Variants in FAR2 observed in about 807,000 individuals in gnomAD.
The protein encoded by FAR2 is fatty acyl-CoA reductase 2.
FAR2 carries 19 observed loss-of-function variants against 56.0 expected under a neutral mutation model. The observed-to-expected ratio is 0.34, with a 90% CI of 0.24 to 0.50. The LOEUF is 0.50. FAR2 is among the 20% of genes least tolerant of loss of function. The probability of loss-of-function intolerance (pLI) is 0.98; values close to 1 mark genes in which losing one functional copy is unlikely to be tolerated. For synonymous variants in FAR2, 219 were observed against 218.8 expected (o/e 1.00, Z -0.01); for missense variants, 508 against 642.2 (o/e 0.79, Z 2.26).
At chr12:29,284,750 C>T (rs1163448812) in intron 2 of FAR2, among the ~76,000 whole-genome samples, 2 of 152,082 alleles carry the variant, frequency 1.3e-5, no homozygotes, top group Non-Finnish European at 2.9e-5. Flanking sequence ...AAAACAAAAA[C>T]AAAACAAAAA....
intron 2 of FAR2, among the ~76,000 whole-genome samples, chr12:29,290,220 T>G (rs557503136): frequency 3.8e-4 from 57 of 151,980 alleles, no homozygotes; most frequent in Non-Finnish European, 6.0e-4. Context: ...CTGAGACGGG[T>G]GGATCACTGG....
intron 10 of FAR2, among the ~76,000 whole-genome samples, chr12:29,323,817 G>A (rs964502026): frequency 2.6e-5 from 4 of 152,136 alleles, no homozygotes; most frequent in East Asian, 1.9e-4. Flanking sequence ...TAGAAAAACC[G>A]GAAACGCTAA....
intron 1 of FAR2, among the ~76,000 whole-genome samples, chr12:29,267,303 A>G (rs1453450639): frequency 1.3e-5 from 2 of 152,218 alleles, no homozygotes; most frequent in South Asian, 2.1e-4. Context: ...CTAATAGCCA[A>G]TATTTGAGTC....
chr12:29,315,327 G>C (rs908922541), intron 8 of FAR2, among the ~76,000 whole-genome samples: 3 of 152,172 alleles, frequency 2.0e-5, no homozygotes, highest in Non-Finnish European at 4.4e-5. Context: ...AAGCACTGAG[G>C]GGGAGGATGG....
Position 29,205,276 on chromosome 12 carries a change from T to C in FAR2, c.-39+55869T>C, listed in dbSNP as rs10492384. On this transcript the variant is annotated intron_variant, in intron 1 of 11. Transcript: ENST00000536681. ...CCAGATCTGAATTATTACAGAGATT[T>C]TCAGAGGTATGGATAGAGGTCTGTC... 3.9e-3 allele frequency among the ~76,000 whole-genome samples: 595 copies of C among 152,296 alleles called. 4 individuals carry two copies. The highest frequency in any genetic ancestry group is 6.7e-3 in the Non-Finnish European group (458 of 68,028).
In FAR2 at chr12:29,335,403, G is replaced by A. The variant is rs1451346379; in HGVS notation, c.*1609G>A. ...CACCTGGTGATCTTTAGTTTGAGATGTCTATATGGTACTTTTGAGTTATAT... is the reference window on the plus strand; with the variant it reads ...CACCTGGTGATCTTTAGTTTGAGATATCTATATGGTACTTTTGAGTTATAT... On this transcript the variant is annotated 3_prime_UTR_variant, in exon 12 of 12. Coordinates refer to ENST00000536681, the MANE Select transcript of FAR2 (RefSeq NM_001271783.2). 4.6e-5 allele frequency: 7 copies of A among 152,114 alleles called. No individual in the cohort carries two copies. Among genetic ancestry groups the A allele is most frequent in the Non-Finnish European group, 1.0e-4 (7 of 68,032 alleles). 9.4% of individuals were successfully genotyped at this position (152,114 alleles called of 1,614,324 possible).
At chr12:29,281,999 G>C (rs1948793210) in intron 2 of FAR2, among the ~76,000 whole-genome samples, 1 of 152,174 alleles carries the variant, frequency 6.6e-6, no homozygotes, top group Admixed American at 6.5e-5. Flanking sequence ...ATGCACAAAA[G>C]CAGAATTACT....
At chr12:29,323,116 G>C (rs1949580459) in intron 10 of FAR2, among the ~76,000 whole-genome samples, 1 of 152,254 alleles carries the variant, frequency 6.6e-6, no homozygotes. Context: ...CACATGGCTT[G>C]GAGGGTCCTA....
chr12:29,211,435 A>G (rs1158059397), intron 1 of FAR2, among the ~76,000 whole-genome samples: 1 of 152,174 alleles, frequency 6.6e-6, no homozygotes, highest in Non-Finnish European at 1.5e-5. Flanking sequence ...ATTATATTTG[A>G]CCGATCATAA....
chr12:29,209,692 C>CTGTG (rs34881464), intron 1 of FAR2, among the ~76,000 whole-genome samples: 17,436 of 148,640 alleles, frequency 0.12, 1,193 homozygotes, highest in East Asian at 0.22. Flanking sequence ...GATGTCTGCT[C>CTGTG]TGTGTGTGTG....
At chr12:29,161,614 A>T (rs1352819506) in intron 1 of FAR2, among the ~76,000 whole-genome samples, 1 of 152,166 alleles carries the variant, frequency 6.6e-6, no homozygotes, top group Non-Finnish European at 1.5e-5. Context: ...ATTCTTGAGA[A>T]TGTCTTTTGT....
At chr12:29,203,761 A>T (rs1947443153) in intron 1 of FAR2, among the ~76,000 whole-genome samples, 1 of 152,072 alleles carries the variant, frequency 6.6e-6, no homozygotes, top group Admixed American at 6.6e-5. Flanking sequence ...GCACTTTGGG[A>T]GACAGAGGAG....
At chr12:29,172,532 G>A (rs545878093) in intron 1 of FAR2, among the ~76,000 whole-genome samples, 29 of 152,178 alleles carry the variant, frequency 1.9e-4, no homozygotes, top group South Asian at 1.9e-3. Context: ...CTCTGATCTC[G>A]CTTTTCCTTT....
At chr12:29,190,609 C>T (rs1043653651) in intron 1 of FAR2, among the ~76,000 whole-genome samples, 3 of 151,980 alleles carry the variant, frequency 2.0e-5, no homozygotes, top group African/African-American at 7.3e-5. Context: ...GGAGTATAGG[C>T]GCACACCACC....
At position 29,333,647 on chromosome 12, in the gene FAR2, C is replaced by T. The variant is rs547934156; in HGVS notation, c.1401C>T (p.His467=). 6.2e-7 allele frequency: 1 copy of T among 1,613,452 alleles called. No individual in the cohort carries two copies. Among genetic ancestry groups the T allele is most frequent in the African/African-American group, 1.3e-5 (1 of 75,030 alleles). The change falls in exon 12 of 12, where the codon CAC becomes CAT. Residue 467 remains histidine, a synonymous_variant. Transcript: ENST00000536681. ...TGTTCCCTAGGCTCCGAAATATTCA[C>T]TACCTCTTTAATACTGCCCTCTTCC... ...KQRLKRLRNI[H]YLFNTALFLI...
intron 5 of FAR2, 59 bp downstream of exon 5, chr12:29,307,894 A>T: frequency 6.6e-7 from 1 of 1,510,816 alleles, no homozygotes; most frequent in South Asian, 1.3e-5. Flanking sequence ...TTCTAGTCCA[A>T]TTACTTTCTG....
At chr12:29,187,174 C>T (rs1264652952) in intron 1 of FAR2, among the ~76,000 whole-genome samples, 2 of 152,100 alleles carry the variant, frequency 1.3e-5, no homozygotes, top group East Asian at 1.9e-4. Flanking sequence ...GTATTTCCTC[C>T]AGCTAATAAA....
At chr12:29,318,286 C>A (rs988642600) in intron 9 of FAR2, among the ~76,000 whole-genome samples, 1 of 152,106 alleles carries the variant, frequency 6.6e-6, no homozygotes, top group African/African-American at 2.4e-5. Flanking sequence ...GAAAAGGAAA[C>A]ATTGTGATTA....
At chr12:29,263,443 C>G (rs1431337658) in intron 1 of FAR2, among the ~76,000 whole-genome samples, 1 of 151,982 alleles carries the variant, frequency 6.6e-6, no homozygotes, top group African/African-American at 2.4e-5. Flanking sequence ...GAAATAATAT[C>G]AAGCATCTTC....
Sources: allele counts gnomAD v4.1 joint callset (sites outside exome capture counted in the v4.1 genomes callset), GRCh38; gene constraint gnomAD v4.1.1; transcripts MANE v1.5; gene names NCBI Gene and HGNC (gene_info 2026-07-23, HGNC 2026-07-21).